Variants in ULK4 observed in about 807,000 individuals in gnomAD.
ULK4 encodes the protein unc-51 like kinase 4.
Under a neutral mutation model 160.6 loss-of-function variants are expected in ULK4, and 133 were observed. The observed-to-expected ratio is 0.83, with a 90% CI of 0.72 to 0.96. The LOEUF is 0.96. Among genes scored for constraint, ULK4 ranks in the 40% least tolerant of loss-of-function variants. The pLI is 0.00. For synonymous variants in ULK4, 534 were observed against 539.8 expected (o/e 0.99, Z 0.15); for missense variants, 1,580 against 1,499.5 (o/e 1.05, Z -0.89).
intron 29 of ULK4, among the ~76,000 whole-genome samples, chr3:41,675,179 G>A (rs980376769): frequency 1.3e-5 from 2 of 151,930 alleles, no homozygotes; most frequent in Non-Finnish European, 2.9e-5. Context: ...AATGGAGGTT[G>A]CAATGAGCCG....
At chr3:41,773,340 A>G (rs1248036893) in intron 21 of ULK4, among the ~76,000 whole-genome samples, 2 of 152,202 alleles carry the variant, frequency 1.3e-5, no homozygotes, top group African/African-American at 4.8e-5. Context: ...TCAGCCCAAA[A>G]TATCCTTAAG....
intron 35 of ULK4, among the ~76,000 whole-genome samples, chr3:41,363,477 A>G (rs1559545870): frequency 1.3e-5 from 2 of 152,158 alleles, no homozygotes; most frequent in Non-Finnish European, 2.9e-5. Context: ...GTGTGGCTCC[A>G]ATAAAGCTGA....
chr3:41,360,741 G>C (rs1399885748), intron 35 of ULK4, among the ~76,000 whole-genome samples: 1 of 152,112 alleles, frequency 6.6e-6, no homozygotes, highest in Non-Finnish European at 1.5e-5. Context: ...ACACGAAGGG[G>C]AACAACACAC....
At chr3:41,338,018 T>C (rs1436051418) in intron 35 of ULK4, among the ~76,000 whole-genome samples, 1 of 152,344 alleles carries the variant, frequency 6.6e-6, no homozygotes, top group South Asian at 2.1e-4. Context: ...GCAGAGAGTT[T>C]TCTCAAATGG....
chr3:41,848,804 T>C (rs1416606723), intron 17 of ULK4, among the ~76,000 whole-genome samples: 1 of 152,208 alleles, frequency 6.6e-6, no homozygotes, highest in Non-Finnish European at 1.5e-5. Context: ...TTGTTCATTT[T>C]CCTCTAATAA....
intron 27 of ULK4, among the ~76,000 whole-genome samples, chr3:41,699,838 G>T (rs1019051580): frequency 6.6e-6 from 1 of 152,112 alleles, no homozygotes; most frequent in Admixed American, 6.5e-5. Flanking sequence ...TTTTTATGAA[G>T]CCAGTAAGTT....
intron 18 of ULK4, among the ~76,000 whole-genome samples, chr3:41,825,743 T>C (rs1377268452): frequency 6.6e-6 from 1 of 152,114 alleles, no homozygotes; most frequent in Non-Finnish European, 1.5e-5. Flanking sequence ...CTGCAGGATA[T>C]TATCCAGGAG....
intron 30 of ULK4, among the ~76,000 whole-genome samples, chr3:41,650,840 G>A (rs1357875761): frequency 1.3e-5 from 2 of 152,212 alleles, no homozygotes; most frequent in Non-Finnish European, 2.9e-5. Flanking sequence ...GCAGGTGGTG[G>A]TCTGGATCTG....
intron 34 of ULK4, among the ~76,000 whole-genome samples, chr3:41,441,796 CTT>C (rs1177625471): frequency 6.6e-6 from 1 of 152,054 alleles, no homozygotes; most frequent in Non-Finnish European, 1.5e-5. Flanking sequence ...GCACTGAAAT[CTT>C]TTATTTAAGC....
intron 35 of ULK4, among the ~76,000 whole-genome samples, chr3:41,269,201 T>A (rs1290626421): frequency 1.3e-5 from 2 of 152,174 alleles, no homozygotes; most frequent in African/African-American, 4.8e-5. Context: ...ATTTTGTATT[T>A]AGGGTATAAT....
chr3:41,433,082 G>C (rs1168974765), intron 34 of ULK4, among the ~76,000 whole-genome samples: 1 of 152,080 alleles, frequency 6.6e-6, no homozygotes, highest in African/African-American at 2.4e-5. Flanking sequence ...AACTAAAAAA[G>C]TCTATTTGTT....
At position 41,643,784 on chromosome 3, in the gene ULK4, G is replaced by T. The variant is rs139331064; in HGVS notation, c.3071+19823C>A. ...TTGAATCTATAAATTACCTTGGGCA[G>T]TATGGCCATTTTCACAATATTGATA... is the stretch of plus-strand genomic sequence containing the variant. On this transcript the variant is annotated intron_variant, in intron 30 of 36. Coordinates refer to ENST00000301831, the MANE Select transcript of ULK4 (RefSeq NM_017886.4). 1.2e-3 allele frequency among the ~76,000 whole-genome samples: 177 copies of T among 152,256 alleles called. 2 individuals are homozygous for T. In the East Asian group the frequency reaches 0.034, roughly 29 times the overall value.
chr3:41,657,133 T>C (rs1262166581), intron 30 of ULK4, among the ~76,000 whole-genome samples: 1 of 152,146 alleles, frequency 6.6e-6, no homozygotes, highest in East Asian at 1.9e-4. Context: ...GGCAGTACTG[T>C]TTTTTTAAAA....
intron 34 of ULK4, among the ~76,000 whole-genome samples, chr3:41,419,906 T>C (rs916424187): frequency 3.3e-5 from 5 of 151,932 alleles, no homozygotes; most frequent in African/African-American, 1.2e-4. Flanking sequence ...ACCGCCACTG[T>C]GACCCCTCAC....
chr3:41,838,970 T>TA (rs1298233660), intron 17 of ULK4, among the ~76,000 whole-genome samples: 1 of 152,178 alleles, frequency 6.6e-6, no homozygotes, highest in Non-Finnish European at 1.5e-5. Context: ...AACCTTCAGT[T>TA]AGACAGGAGG....
rs376578969 is a variant in ULK4 at position 41,286,723 on chromosome 3, G to A, written c.3679-37149C>T. On this transcript the variant is annotated intron_variant, in intron 35 of 36. Coordinates refer to ENST00000301831, the MANE Select transcript of ULK4 (RefSeq NM_017886.4). ...CAGATTTTGGGCATGGCTTCCTGCCGAAACCACAGGGTACCTTCCTTCTAG... is the reference window on the plus strand; with the variant it reads ...CAGATTTTGGGCATGGCTTCCTGCCAAAACCACAGGGTACCTTCCTTCTAG... 2.0e-4 allele frequency among the ~76,000 whole-genome samples: 31 copies of A among 152,278 alleles called. 1 individual carries two copies. The South Asian group carries it at 2.1e-3, about 10-fold the overall frequency.
intron 32 of ULK4, among the ~76,000 whole-genome samples, chr3:41,541,633 CATG>C (rs1263839122): frequency 6.6e-6 from 1 of 152,156 alleles, no homozygotes; most frequent in Admixed American, 6.5e-5. Flanking sequence ...TGGCCATTTT[CATG>C]ATATTGATTC....
In ULK4 at chr3:41,705,121, A is replaced by T; in HGVS notation, c.2717T>A (p.Ile906Asn). The T allele has an allele frequency of 6.2e-7, 1 of 1,613,958 alleles. No individual in the cohort carries two copies. ...TATTGCTTCAAAAGCTGACAATGTG[A>T]TCTTGATAAATTCTTCTGATGCTGT... The part of the protein sequence containing the change: ...GLTASEEFIK[I>N]TLSAFEAIIQ... Residue 906 changes from isoleucine to asparagine, a missense_variant, in exon 27 of 37, where the codon ATC (isoleucine) becomes AAC (asparagine). Physicochemically the swap from Ile to Asn is moderately radical, Grantham distance 149. Transcript: ENST00000301831.
chr3:41,954,908 G>A, intron 1 of ULK4, 101 bp from the exon 2 acceptor site: 1 of 735,112 alleles, frequency 1.4e-6, no homozygotes, highest in East Asian at 2.9e-5. Flanking sequence ...AAAAAATCTA[G>A]CAAATCGACA....
Sources: allele counts gnomAD v4.1 joint callset (sites outside exome capture counted in the v4.1 genomes callset), GRCh38; gene constraint gnomAD v4.1.1; transcripts MANE v1.5; gene names NCBI Gene and HGNC (gene_info 2026-07-23, HGNC 2026-07-21).